Variants in ENTHD1 observed in about 807,000 individuals in gnomAD.
The protein encoded by ENTHD1 is ENTH domain-containing protein 1.
ENTHD1 carries 23 observed loss-of-function variants against 39.1 expected under a neutral mutation model. The ratio of observed to expected loss-of-function variants is 0.59; its 90% CI spans 0.42 to 0.83. ENTHD1 has a LOEUF of 0.83. Ranked by LOEUF, ENTHD1 falls within the 40% of genes least tolerant of loss-of-function variation. The probability of loss-of-function intolerance (pLI) is 0.00; values close to 1 mark genes in which losing one functional copy is unlikely to be tolerated. For synonymous variants in ENTHD1, 230 were observed against 258.2 expected (o/e 0.89, Z 1.05); for missense variants, 624 against 705.4 (o/e 0.88, Z 1.31).
At chr22:39,790,788 T>G (rs1301776595) in intron 5 of ENTHD1, among the ~76,000 whole-genome samples, 1 of 152,210 alleles carries the variant, frequency 6.6e-6, no homozygotes, top group African/African-American at 2.4e-5. Context: ...CCTCTCTCAC[T>G]AGGGTTGGGA....
intron 6 of ENTHD1, among the ~76,000 whole-genome samples, chr22:39,764,889 CTCTTAATAAGTAACCTACATG>C (rs1251194546): frequency 6.6e-6 from 1 of 151,930 alleles, no homozygotes; most frequent in Non-Finnish European, 1.5e-5. Flanking sequence ...TTCATATAAT[CTCTTAATAAGTAACCTACATG>C]TCTAACAGAA....
At chr22:39,893,033 C>T (rs1232451441) in intron 1 of ENTHD1, among the ~76,000 whole-genome samples, 2 of 152,182 alleles carry the variant, frequency 1.3e-5, no homozygotes, top group Non-Finnish European at 2.9e-5. Flanking sequence ...GCACAAGACA[C>T]AGTCCTCACA....
At chr22:39,854,717 A>G (rs2066071363) in intron 3 of ENTHD1, among the ~76,000 whole-genome samples, 1 of 152,106 alleles carries the variant, frequency 6.6e-6, no homozygotes, top group South Asian at 2.1e-4. Context: ...AAAAAAAAAG[A>G]AGTAGAAGTG....
intron 2 of ENTHD1, 128 bp downstream of exon 2, chr22:39,887,272 T>G: frequency 1.3e-6 from 1 of 755,280 alleles, no homozygotes; most frequent in Non-Finnish European, 2.1e-6. Flanking sequence ...TATTCACAGG[T>G]GCAATCTTTC....
chr22:39,815,834 G>A (rs191796674), intron 5 of ENTHD1, among the ~76,000 whole-genome samples: 247 of 152,220 alleles, frequency 1.6e-3, no homozygotes, highest in Non-Finnish European at 2.6e-3. Flanking sequence ...CTTAAGCAAT[G>A]ATATTGAATG....
intron 3 of ENTHD1, among the ~76,000 whole-genome samples, chr22:39,853,163 A>C (rs1348343388): frequency 6.6e-6 from 1 of 152,192 alleles, no homozygotes; most frequent in African/African-American, 2.4e-5. Flanking sequence ...TTGCTACTTT[A>C]AGGGAAACAA....
At chr22:39,825,164 T>C (rs2065817053) in intron 4 of ENTHD1, among the ~76,000 whole-genome samples, 1 of 152,256 alleles carries the variant, frequency 6.6e-6, no homozygotes, top group Non-Finnish European at 1.5e-5. Context: ...AGTATTTCAA[T>C]TTGGATTTAT....
At chr22:39,814,594 A>G (rs141607418) in intron 5 of ENTHD1, among the ~76,000 whole-genome samples, 243 of 152,340 alleles carry the variant, frequency 1.6e-3, no homozygotes, top group African/African-American at 5.6e-3. Flanking sequence ...TAGAGAGGCT[A>G]TAAACAGTTC....
At chr22:39,797,275 C>A (rs555092393) in intron 5 of ENTHD1, among the ~76,000 whole-genome samples, 1 of 152,290 alleles carries the variant, frequency 6.6e-6, no homozygotes, top group Non-Finnish European at 1.5e-5. Flanking sequence ...TCGTAGGCAG[C>A]ATATAGTTGG....
At chr22:39,780,980 C>G (rs936673885) in intron 5 of ENTHD1, among the ~76,000 whole-genome samples, 4 of 148,704 alleles carry the variant, frequency 2.7e-5, no homozygotes, top group Admixed American at 6.7e-5. Flanking sequence ...GCCTGGGCAA[C>G]AGAGCGAGAC....
intron 5 of ENTHD1, among the ~76,000 whole-genome samples, chr22:39,785,250 C>T (rs1044525569): frequency 5.3e-5 from 8 of 152,114 alleles, no homozygotes; most frequent in Non-Finnish European, 1.2e-4. Context: ...AATCAGAGTT[C>T]CAGCCCTCCT....
At chr22:39,826,470 G>A (rs1397341751) in intron 4 of ENTHD1, among the ~76,000 whole-genome samples, 1 of 150,192 alleles carries the variant, frequency 6.7e-6, no homozygotes, top group Non-Finnish European at 1.5e-5. Flanking sequence ...TATTCCTTGT[G>A]CATTTATTTC....
intron 5 of ENTHD1, among the ~76,000 whole-genome samples, chr22:39,805,226 G>A (rs1211355801): frequency 6.6e-6 from 1 of 152,146 alleles, no homozygotes; most frequent in Non-Finnish European, 1.5e-5. Flanking sequence ...TTCCCAGGTG[G>A]AGCCTGAAAA....
chr22:39,851,040 G>GT (rs1167659540), intron 3 of ENTHD1, among the ~76,000 whole-genome samples: 1 of 151,736 alleles, frequency 6.6e-6, no homozygotes, highest in African/African-American at 2.4e-5. Context: ...AACTCTCTTC[G>GT]TTTTTTTATT....
intron 3 of ENTHD1, among the ~76,000 whole-genome samples, chr22:39,841,714 T>C (rs1282845535): frequency 6.6e-6 from 1 of 150,912 alleles, no homozygotes; most frequent in Non-Finnish European, 1.5e-5. Context: ...TGTCTTTTAA[T>C]TGGAGCATTT....
At chr22:39,749,833 C>T (rs1024237901) in intron 6 of ENTHD1, among the ~76,000 whole-genome samples, 4 of 152,154 alleles carry the variant, frequency 2.6e-5, no homozygotes, top group African/African-American at 7.2e-5. Flanking sequence ...CCTGGCTGAG[C>T]GAAGGGTTCC....
intron 5 of ENTHD1, among the ~76,000 whole-genome samples, chr22:39,771,130 TA>T (rs1291141639): frequency 2.0e-5 from 3 of 152,200 alleles, no homozygotes; most frequent in Admixed American, 2.0e-4. Flanking sequence ...GTTTTTGTAT[TA>T]AATTCTGTGT....
intron 1 of ENTHD1, among the ~76,000 whole-genome samples, chr22:39,893,005 G>C (rs2066439817): frequency 6.6e-6 from 1 of 152,026 alleles, no homozygotes; most frequent in South Asian, 2.1e-4. Context: ...CTCCATTCTA[G>C]GAAATGGAGA....
chr22:39,824,756 C>T (rs2065813879), intron 4 of ENTHD1, among the ~76,000 whole-genome samples: 1 of 152,176 alleles, frequency 6.6e-6, no homozygotes. Flanking sequence ...GTTCTCTATT[C>T]TGTTCCACCG....
Sources: allele counts gnomAD v4.1 joint callset (sites outside exome capture counted in the v4.1 genomes callset), GRCh38; gene constraint gnomAD v4.1.1; transcripts MANE v1.5; gene names NCBI Gene and HGNC (gene_info 2026-07-23, HGNC 2026-07-21).